Variants in PALLD observed in about 807,000 individuals in gnomAD.
The protein encoded by PALLD is palladin.
Under a neutral mutation model 123.5 loss-of-function variants are expected in PALLD, and 61 were observed. The observed-to-expected ratio is 0.49, with a 90% CI of 0.40 to 0.61. The LOEUF (loss-of-function observed/expected upper bound fraction) is 0.61, where lower values mean the gene tolerates loss of function less well. PALLD is among the 20% of genes least tolerant of loss of function. The pLI, the probability that PALLD is intolerant of heterozygous loss-of-function variation, is 0.00. For missense variants in PALLD, 1,273 were observed against 1,377.0 expected (o/e 0.92, Z 1.20); for synonymous variants, 465 against 496.4 (o/e 0.94, Z 0.84).
chr4:168,816,901 C>T (rs188020883), intron 10 of PALLD, among the ~76,000 whole-genome samples: 151 of 124,360 alleles, frequency 1.2e-3, no homozygotes, highest in African/African-American at 4.0e-3. Flanking sequence ...GGGCAAGGGG[C>T]GGGGGTGAAG....
At chr4:168,900,092 T>C (rs949364440) in intron 14 of PALLD, among the ~76,000 whole-genome samples, 4 of 151,992 alleles carry the variant, frequency 2.6e-5, no homozygotes, top group African/African-American at 7.2e-5. Flanking sequence ...CAGAGAGAAG[T>C]GGTGGAGGTC....
At chr4:168,707,767 G>T (rs952405236) in intron 8 of PALLD, among the ~76,000 whole-genome samples, 1 of 152,132 alleles carries the variant, frequency 6.6e-6, no homozygotes, top group Non-Finnish European at 1.5e-5. Flanking sequence ...ACAATACACG[G>T]TCTTATGCTA....
intron 10 of PALLD, among the ~76,000 whole-genome samples, chr4:168,840,767 C>T (rs1482872081): frequency 1.3e-5 from 2 of 152,108 alleles, no homozygotes; most frequent in East Asian, 1.9e-4. Context: ...AAGTTCCATT[C>T]GTTTAAAAAT....
intron 2 of PALLD, among the ~76,000 whole-genome samples, chr4:168,515,561 G>A (rs867395640): frequency 3.0e-4 from 45 of 152,324 alleles, no homozygotes; most frequent in South Asian, 2.1e-4. Flanking sequence ...GTTGGCAGCT[G>A]TACTGGGAGG....
At chr4:168,669,800 G>GCACACACACACACACACACA (rs10637670) in intron 3 of PALLD, among the ~76,000 whole-genome samples, 32 of 147,932 alleles carry the variant, frequency 2.2e-4, no homozygotes, top group African/African-American at 7.7e-4. Flanking sequence ...CTTACAAAAT[G>GCACACACACACACACACACA]CACACACACA....
chr4:168,608,263 C>T (rs373385613), intron 2 of PALLD, among the ~76,000 whole-genome samples: 45 of 152,264 alleles, frequency 3.0e-4, no homozygotes, highest in East Asian at 1.9e-3. Flanking sequence ...AGTGGTCTGC[C>T]GTTTCTCAGA....
chr4:168,689,473 A>C (rs1782414444), intron 6 of PALLD, among the ~76,000 whole-genome samples: 1 of 86,854 alleles, frequency 1.2e-5, no homozygotes, highest in South Asian at 4.3e-4. Flanking sequence ...TTTGAGATGG[A>C]GTCTTGCTCT....
intron 2 of PALLD, among the ~76,000 whole-genome samples, chr4:168,598,050 A>G (rs1035976932): frequency 3.3e-5 from 5 of 152,180 alleles, no homozygotes; most frequent in Non-Finnish European, 7.4e-5. Context: ...GAAAAAATGT[A>G]TATCCTTTTA....
At chr4:168,925,212 T>A in intron 20 of PALLD, 21 bp from the exon 21 acceptor site, 1 of 1,597,586 alleles carries the variant, frequency 6.3e-7, no homozygotes, top group Non-Finnish European at 8.6e-7. Flanking sequence ...CATATTGCTC[T>A]CTCTCTCTTT....
intron 2 of PALLD, among the ~76,000 whole-genome samples, chr4:168,635,793 GC>G (rs1352063730): frequency 3.9e-5 from 6 of 152,142 alleles, no homozygotes; most frequent in Non-Finnish European, 2.9e-5. Context: ...CTGGATTCCC[GC>G]AGTTTGAGTC....
rs145967686 is a variant in PALLD at position 168,744,979 on chromosome 4, A to G, written c.1964+33056A>G. ...CAACTTACGATGAGTTTATTGGGCC[A>G]TAACCCCACTCTAAGTCAAGGAGCA... On this transcript the variant is annotated intron_variant, in intron 10 of 21. Coordinates refer to ENST00000505667, the MANE Select transcript of PALLD (RefSeq NM_001166108.2). 3.5e-3 allele frequency among the ~76,000 whole-genome samples: 538 copies of G among 152,304 alleles called. 4 individuals carry two copies. Among genetic ancestry groups the G allele is most frequent in the African/African-American group, 0.012 (507 of 41,568 alleles).
chr4:168,509,778 A>G (rs962290784), intron 1 of PALLD, among the ~76,000 whole-genome samples: 1 of 152,200 alleles, frequency 6.6e-6, no homozygotes, highest in Non-Finnish European at 1.5e-5. Context: ...ACAAAAGTAC[A>G]GTATTCCACT....
At chr4:168,628,627 G>C (rs1052414415) in intron 2 of PALLD, among the ~76,000 whole-genome samples, 1 of 152,082 alleles carries the variant, frequency 6.6e-6, no homozygotes, top group African/African-American at 2.4e-5. Context: ...TTGCTCACAC[G>C]TCACTGTCTC....
intron 3 of PALLD, among the ~76,000 whole-genome samples, chr4:168,670,601 C>T (rs1175123660): frequency 2.7e-5 from 4 of 150,800 alleles, no homozygotes; most frequent in Non-Finnish European, 5.9e-5. Flanking sequence ...GGCGCGGTGG[C>T]GGGCGCCTGT....
chr4:168,831,338 T>G (rs761378781), intron 10 of PALLD, among the ~76,000 whole-genome samples: 1 of 152,146 alleles, frequency 6.6e-6, no homozygotes, highest in Admixed American at 6.5e-5. Context: ...TCCAGTAGTT[T>G]ATGAGCTAAG....
chr4:168,926,246 C>T lies in PALLD; in HGVS notation c.*66C>T, dbSNP rs539281462. On this transcript the variant is annotated 3_prime_UTR_variant, in exon 22 of 22. Transcript: ENST00000505667. The stretch of plus-strand genomic sequence containing the variant: ...CATCAGCAGTCACAGAGCACCAAGC[C>T]AAAAAAAGTACGGCCCTCAGCCAGT... 3 of 1,535,960 alleles carry T rather than the reference C, an allele frequency of 2.0e-6. No individual in the cohort carries two copies. The South Asian group carries it at 3.6e-5, about 18-fold the overall frequency.
chr4:168,816,389 G>GTGTATA (rs759861616), intron 10 of PALLD, among the ~76,000 whole-genome samples: 51 of 139,026 alleles, frequency 3.7e-4, no homozygotes, highest in African/African-American at 1.0e-3. Flanking sequence ...GTGTATGTGT[G>GTGTATA]TATATATATA....
chr4:168,871,532 A>G (rs1751071542), intron 10 of PALLD, among the ~76,000 whole-genome samples: 1 of 152,242 alleles, frequency 6.6e-6, no homozygotes, highest in Non-Finnish European at 1.5e-5. Context: ...TGTCTATGTT[A>G]AGAATTGAAA....
intron 10 of PALLD, among the ~76,000 whole-genome samples, chr4:168,804,812 GT>G (rs1739904969): frequency 6.6e-6 from 1 of 152,184 alleles, no homozygotes; most frequent in South Asian, 2.1e-4. Flanking sequence ...ATGGGTAGAT[GT>G]ATATTTTCTC....
Sources: gnomAD v4.1 joint callset for allele counts (sites outside exome capture counted in the v4.1 genomes callset) on GRCh38, gnomAD v4.1.1 for gene constraint, MANE v1.5 for transcripts, NCBI Gene and HGNC (gene_info 2026-07-23, HGNC 2026-07-21) for gene names.